Variants in LINGO2 observed in about 807,000 individuals in gnomAD.
LINGO2 encodes leucine rich repeat and Ig domain containing 2.
A neutral mutation model predicts 30.6 loss-of-function variants in LINGO2; 14 were observed. The observed-to-expected ratio is 0.46, with a 90% CI of 0.30 to 0.72. The LOEUF (loss-of-function observed/expected upper bound fraction) is 0.72, where lower values mean the gene tolerates loss of function less well. LINGO2 is among the 30% of genes least tolerant of loss of function. LINGO2 has a pLI of 0.07. For synonymous variants in LINGO2, 317 were observed against 288.5 expected, an observed-to-expected ratio of 1.10 and a Z score of -1.00; for missense variants, 729 against 751.7, an observed-to-expected ratio of 0.97 and a Z score of 0.35.
At chr9:28,277,758 G>A (rs1412294527) in intron 4 of LINGO2, among the ~76,000 whole-genome samples, 1 of 150,436 alleles carries the variant, frequency 6.6e-6, no homozygotes, top group Admixed American at 6.6e-5. Flanking sequence ...GGAGTTTGTA[G>A]TTAGCCTAGA....
At chr9:28,495,897 T>A (rs916238118) in intron 1 of LINGO2, among the ~76,000 whole-genome samples, 17 of 152,214 alleles carry the variant, frequency 1.1e-4, no homozygotes, top group Non-Finnish European at 2.1e-4. Flanking sequence ...TCTTTATTTC[T>A]GCCTTAATTT....
At chr9:28,119,041 C>T (rs1052717239) in intron 4 of LINGO2, among the ~76,000 whole-genome samples, 5 of 110,786 alleles carry the variant, frequency 4.5e-5, no homozygotes, top group Non-Finnish European at 7.3e-5. Context: ...AACATTTTAC[C>T]TTTGGCAGTC....
chr9:29,081,584 G>C, the LINGO2 span, among the ~76,000 whole-genome samples: 3 of 151,772 alleles, frequency 2.0e-5, no homozygotes, highest in Non-Finnish European at 4.4e-5. Flanking sequence ...CTGGCTAGGG[G>C]AATCAGGCAG....
chr9:28,639,691 C>T (rs990921575), intron 1 of LINGO2, among the ~76,000 whole-genome samples: 15 of 152,278 alleles, frequency 9.9e-5, no homozygotes, highest in South Asian at 2.1e-4. Context: ...TCCTCCATCC[C>T]TTTATTTTGA....
At chr9:29,187,711 T>A in the LINGO2 span, among the ~76,000 whole-genome samples, 1 of 151,852 alleles carries the variant, frequency 6.6e-6, no homozygotes, top group Non-Finnish European at 1.5e-5. Context: ...TAATCCTATC[T>A]CATTTGCCTT....
At chr9:28,562,304 T>C (rs939055864) in intron 1 of LINGO2, among the ~76,000 whole-genome samples, 4 of 151,746 alleles carry the variant, frequency 2.6e-5, no homozygotes, top group African/African-American at 9.7e-5. Context: ...CCTCTATTGG[T>C]GAATTATTCT....
chr9:28,551,482 T>C (rs1433375933), intron 1 of LINGO2, among the ~76,000 whole-genome samples: 2 of 152,008 alleles, frequency 1.3e-5, no homozygotes, highest in East Asian at 1.9e-4. Flanking sequence ...TGATTTAAAA[T>C]TTCCAGTGTT....
chr9:28,183,410 TCC>T (rs1283602112), intron 4 of LINGO2, among the ~76,000 whole-genome samples: 1 of 150,918 alleles, frequency 6.6e-6, no homozygotes, highest in Non-Finnish European at 1.5e-5. Context: ...TATGCACGTT[TCC>T]CAGAAATTAA....
At chr9:28,752,682 C>T in the LINGO2 span, among the ~76,000 whole-genome samples, 2 of 152,114 alleles carry the variant, frequency 1.3e-5, no homozygotes, top group South Asian at 4.1e-4. Flanking sequence ...ATTCATGAGG[C>T]TCAGAGAAGT....
chr9:28,437,833 G>A (rs1311404036), intron 2 of LINGO2, among the ~76,000 whole-genome samples: 4 of 152,030 alleles, frequency 2.6e-5, no homozygotes, highest in Non-Finnish European at 5.9e-5. Context: ...ATTTTTCAAT[G>A]TAGCACAAAA....
At chr9:29,068,979 G>A in the LINGO2 span, among the ~76,000 whole-genome samples, 1 of 151,806 alleles carries the variant, frequency 6.6e-6, no homozygotes, top group Non-Finnish European at 1.5e-5. Flanking sequence ...AAGGTTCATT[G>A]TGGACTGTTC....
At chr9:28,708,753 T>A in the LINGO2 span, among the ~76,000 whole-genome samples, 7 of 85,378 alleles carry the variant, frequency 8.2e-5, no homozygotes, top group African/African-American at 5.1e-4. Flanking sequence ...CTGTCTGTTT[T>A]AAACTAATTA....
Position 28,559,757 on chromosome 9 carries a change from C to T in LINGO2, c.-364-83732G>A, listed in dbSNP as rs528155603. ...TTTTTTTTGTTCTGTACAAGATTGTCCTTTTATGTTTGCCAGTATTTAAGT... is the reference window on the plus strand; with the variant it reads ...TTTTTTTTGTTCTGTACAAGATTGTTCTTTTATGTTTGCCAGTATTTAAGT... On this transcript the variant is annotated intron_variant, in intron 1 of 5. Transcript: ENST00000379992. 3.0e-4 allele frequency among the ~76,000 whole-genome samples: 46 copies of T among 151,894 alleles called. No individual in the cohort carries two copies. The South Asian group carries it at 9.4e-3, about 31-fold the overall frequency.
At chr9:28,987,011 A>G in the LINGO2 span, among the ~76,000 whole-genome samples, 1 of 147,424 alleles carries the variant, frequency 6.8e-6, no homozygotes, top group African/African-American at 2.5e-5. Context: ...TAAAAATGAT[A>G]CTTCTGTGTG....
At chr9:28,368,190 G>C (rs1463559752) in intron 3 of LINGO2, among the ~76,000 whole-genome samples, 1 of 151,562 alleles carries the variant, frequency 6.6e-6, no homozygotes, top group Non-Finnish European at 1.5e-5. Context: ...TTTTCTGTTT[G>C]TATTGGTGTT....
intron 4 of LINGO2, among the ~76,000 whole-genome samples, chr9:28,031,030 T>A (rs1188363358): frequency 6.6e-6 from 1 of 152,190 alleles, no homozygotes; most frequent in African/African-American, 2.4e-5. Context: ...ATCAATCTTA[T>A]ACTTTCCCAA....
intron 4 of LINGO2, among the ~76,000 whole-genome samples, chr9:28,141,340 G>A (rs1372159698): frequency 6.6e-6 from 1 of 152,180 alleles, no homozygotes; most frequent in African/African-American, 2.4e-5. Flanking sequence ...ATGTGGTGTG[G>A]GAACGTTGGT....
chr9:28,278,080 A>G (rs767803679), intron 4 of LINGO2, among the ~76,000 whole-genome samples: 5 of 152,196 alleles, frequency 3.3e-5, no homozygotes, highest in Non-Finnish European at 7.3e-5. Flanking sequence ...ATAGAAGATC[A>G]AACCAGACAC....
At chr9:28,547,479 A>G (rs1822009750) in intron 1 of LINGO2, among the ~76,000 whole-genome samples, 1 of 152,138 alleles carries the variant, frequency 6.6e-6, no homozygotes, top group East Asian at 1.9e-4. Flanking sequence ...TCTTAATAGA[A>G]ACACTAAATT....
Sources: allele counts gnomAD v4.1 joint callset (sites outside exome capture counted in the v4.1 genomes callset), GRCh38; gene constraint gnomAD v4.1.1; transcripts MANE v1.5; gene names NCBI Gene and HGNC (gene_info 2026-07-23, HGNC 2026-07-21).